DAB1: variants seen among roughly 807,000 people sequenced by gnomAD.
DAB1 encodes the protein DAB adaptor protein 1, also known as disabled homolog 1.
DAB1 carries 15 observed loss-of-function variants against 64.6 expected under a neutral mutation model. That is an observed-to-expected ratio of 0.23 (90% CI 0.16 to 0.36). The LOEUF (loss-of-function observed/expected upper bound fraction) is 0.36. DAB1 is among the 10% of genes least tolerant of loss of function. DAB1 has a pLI of 1.00. For missense variants in DAB1, 596 were observed against 706.7 expected, an observed-to-expected ratio of 0.84 and a Z score of 1.78; for synonymous variants, 235 against 251.9, an observed-to-expected ratio of 0.93 and a Z score of 0.64.
At chr1:57,612,355 C>T (rs993752667) in intron 7 of DAB1, among the ~76,000 whole-genome samples, 5 of 152,004 alleles carry the variant, frequency 3.3e-5, no homozygotes, top group Admixed American at 6.6e-5. Context: ...ACATGGTAAA[C>T]GTACTTTGCA....
chr1:57,650,800 C>G (rs935161647), intron 6 of DAB1, among the ~76,000 whole-genome samples: 2 of 152,130 alleles, frequency 1.3e-5, no homozygotes. Flanking sequence ...CCAGCAATAC[C>G]TCCATTCTGA....
At chr1:58,343,475 G>C (rs1474369150) in intron 3 of DAB1, 4 of 152,260 alleles carry the variant, frequency 2.6e-5, no homozygotes, top group African/African-American at 7.2e-5. Flanking sequence ...CCCTGGGTTA[G>C]AGTGTGGTAG....
At chr1:57,637,754 G>A (rs1032429143) in intron 7 of DAB1, among the ~76,000 whole-genome samples, 1 of 152,168 alleles carries the variant, frequency 6.6e-6, no homozygotes, top group African/African-American at 2.4e-5. Flanking sequence ...TTACAAATTA[G>A]TAATAGGCAT....
chr1:58,501,928 C>A (rs562769638), intron 3 of DAB1, among the ~76,000 whole-genome samples: 1 of 151,712 alleles, frequency 6.6e-6, no homozygotes, highest in Non-Finnish European at 1.5e-5. Context: ...CTCCTCACTG[C>A]CCCCCACTCC....
intron 2 of DAB1, among the ~76,000 whole-genome samples, chr1:57,174,560 C>A (rs1427190735): frequency 1.3e-5 from 2 of 152,076 alleles, no homozygotes; most frequent in Non-Finnish European, 2.9e-5. Context: ...TTTCTGAGAT[C>A]CTGCTTTGTA....
chr1:57,010,246 T>A (rs898452543), intron 14 of DAB1, among the ~76,000 whole-genome samples: 3 of 152,158 alleles, frequency 2.0e-5, no homozygotes, highest in Non-Finnish European at 4.4e-5. Flanking sequence ...GCAGAATGTG[T>A]CCATCTCAAA....
At chr1:57,994,453 T>G (rs2100385004) in intron 5 of DAB1, among the ~76,000 whole-genome samples, 1 of 152,212 alleles carries the variant, frequency 6.6e-6, no homozygotes, top group Middle Eastern at 3.4e-3. Flanking sequence ...CTGAAGCCGT[T>G]GTGTTTGTAA....
At chr1:58,411,148 T>C (rs1465589018) in intron 3 of DAB1, among the ~76,000 whole-genome samples, 1 of 152,226 alleles carries the variant, frequency 6.6e-6, no homozygotes, top group Non-Finnish European at 1.5e-5. Context: ...TTCATTCCTT[T>C]ATTCACTTAA....
rs541747745 is a variant in DAB1, at chr1:57,330,615, T to G, written c.-136-39449A>C. On this transcript the variant is annotated intron_variant, in intron 1 of 14. Transcript: ENST00000371236. ...GTAAATAAAATTTAGGATTCTTGCA[T>G]TTTCCCATCTGGCAAACGAGAAAAC... Among the ~76,000 whole-genome samples, 32 of 152,280 alleles carry G rather than the reference T, an allele frequency of 2.1e-4. No homozygotes were observed. The South Asian group carries it at 5.4e-3, about 26-fold the overall frequency.
At chr1:58,457,710 G>A (rs900958432) in intron 3 of DAB1, among the ~76,000 whole-genome samples, 1 of 152,304 alleles carries the variant, frequency 6.6e-6, no homozygotes, top group East Asian at 1.9e-4. Context: ...GAGTGGGGGT[G>A]AGGGCTTCCT....
chr1:57,978,394 A>C (rs796197503), intron 5 of DAB1, among the ~76,000 whole-genome samples: 9 of 152,294 alleles, frequency 5.9e-5, no homozygotes, highest in African/African-American at 2.2e-4. Flanking sequence ...CCCCTTCCTT[A>C]CACCTTATAT....
chr1:57,226,237 C>T (rs534188161), intron 2 of DAB1, among the ~76,000 whole-genome samples: 40 of 152,342 alleles, frequency 2.6e-4, no homozygotes, highest in African/African-American at 8.9e-4. Flanking sequence ...AGAGACCTCT[C>T]CCCTGAATTC....
At chr1:57,969,838 A>T (rs1432428921) in intron 5 of DAB1, among the ~76,000 whole-genome samples, 1 of 152,118 alleles carries the variant, frequency 6.6e-6, no homozygotes, top group Non-Finnish European at 1.5e-5. Flanking sequence ...ACTTTAGATC[A>T]GTTTTGTGCT....
intron 6 of DAB1, among the ~76,000 whole-genome samples, chr1:57,705,783 A>G (rs1219639945): frequency 6.6e-6 from 1 of 152,064 alleles, no homozygotes; most frequent in African/African-American, 2.4e-5. Context: ...TCCTATCAGA[A>G]ATATGACACT....
Position 57,689,162 on chromosome 1 carries a change from T to C in DAB1, n.552-39497A>G, listed in dbSNP as rs143543121. ...TCCCAGCTAATTAAATGGATAGATT[T>C]AGAATAGGCAGGGACTCAGAAAGTT... On this transcript the variant is annotated intron_variant and non_coding_transcript_variant, in intron 6 of 20. Coordinates refer to the DAB1 transcript ENST00000485760. Among the ~76,000 whole-genome samples the C allele has an allele frequency of 6.5e-3, 986 of 152,288 alleles. 30 individuals are homozygous for C. Among genetic ancestry groups the C allele is most frequent in the Middle Eastern group, 0.017 (5 of 294 alleles).
At chr1:57,444,532 G>T (rs979298137) in intron 7 of DAB1, among the ~76,000 whole-genome samples, 3 of 152,010 alleles carry the variant, frequency 2.0e-5, no homozygotes, top group Non-Finnish European at 1.5e-5. Context: ...CCTTAATTGG[G>T]AAAAAAGAAT....
intron 1 of DAB1, among the ~76,000 whole-genome samples, chr1:57,877,366 A>C (rs1158577322): frequency 6.6e-6 from 1 of 151,872 alleles, no homozygotes; most frequent in Non-Finnish European, 1.5e-5. Flanking sequence ...ATTATGATAC[A>C]CTCTGTTCCC....
intron 2 of DAB1, among the ~76,000 whole-genome samples, chr1:57,187,470 A>G (rs548174140): frequency 1.3e-5 from 2 of 152,318 alleles, no homozygotes; most frequent in South Asian, 4.1e-4. Flanking sequence ...TGTATATACC[A>G]AAGATGTAAA....
intron 4 of DAB1, among the ~76,000 whole-genome samples, chr1:58,169,855 AG>A (rs1656066557): frequency 6.6e-6 from 1 of 152,164 alleles, no homozygotes. Context: ...TGTAGGGGGA[AG>A]GGGATTTGGC....
Sources: allele counts gnomAD v4.1 joint callset (sites outside exome capture counted in the v4.1 genomes callset), GRCh38; gene constraint gnomAD v4.1.1; transcripts MANE v1.5; gene names NCBI Gene and HGNC (gene_info 2026-07-23, HGNC 2026-07-21).